The following PCDHA4 variants were observed in gnomAD, a reference collection of about 807,000 sequenced individuals.
The protein encoded by PCDHA4 is protocadherin alpha-4.
Under a neutral mutation model 61.4 loss-of-function variants are expected in PCDHA4, and 49 were observed. The ratio of observed to expected loss-of-function variants is 0.80; its 90% CI spans 0.63 to 1.01. PCDHA4 has a LOEUF of 1.01. Among genes scored for constraint, PCDHA4 ranks in the 50% least tolerant of loss-of-function variants. The pLI is 0.00. For synonymous variants in PCDHA4, 590 were observed against 550.3 expected, an observed-to-expected ratio of 1.07 and a Z score of -1.01; for missense variants, 1,254 against 1,235.8, an observed-to-expected ratio of 1.01 and a Z score of -0.22.
intron 1 of PCDHA4, chr5:140,824,610 G>GGTTTTTTTTT (rs1768189767): frequency 1.1e-5 from 1 of 95,104 alleles, no homozygotes; most frequent in African/African-American, 4.9e-5. Context: ...GCTAATTAAA[G>GGTTTTTTTTT]TTTTTTTTTT....
intron 3 of PCDHA4, among the ~76,000 whole-genome samples, chr5:140,995,578 T>C (rs1554254730): frequency 1.3e-5 from 2 of 152,256 alleles, no homozygotes; most frequent in African/African-American, 4.8e-5. Flanking sequence ...AGATGAGCTA[T>C]GAGCTTTTAA....
chr5:140,989,215 C>T (rs1162430361), intron 3 of PCDHA4, among the ~76,000 whole-genome samples: 1 of 152,108 alleles, frequency 6.6e-6, no homozygotes, highest in Non-Finnish European at 1.5e-5. Flanking sequence ...CTTTATACAC[C>T]ATTCTTTGTA....
chr5:140,880,365 C>A (rs1462418898), intron 1 of PCDHA4, among the ~76,000 whole-genome samples: 1 of 151,976 alleles, frequency 6.6e-6, no homozygotes, highest in Non-Finnish European at 1.5e-5. Flanking sequence ...TAGATGAAAA[C>A]CATGAGAGAA....
intron 1 of PCDHA4, chr5:140,814,799 C>T (rs2126658995): frequency 5.9e-5 from 9 of 152,134 alleles, no homozygotes; most frequent in Admixed American, 2.0e-4. Context: ...TTATACAACA[C>T]TTGACTTTAT....
intron 1 of PCDHA4, among the ~76,000 whole-genome samples, chr5:140,962,085 C>T (rs565561726): frequency 2.0e-5 from 3 of 151,950 alleles, no homozygotes; most frequent in Non-Finnish European, 4.4e-5. Context: ...CGGGGTTTCA[C>T]CATGTTAGCC....
intron 1 of PCDHA4, among the ~76,000 whole-genome samples, chr5:140,972,693 C>A (rs1358194667): frequency 2.3e-5 from 3 of 130,312 alleles, no homozygotes; most frequent in East Asian, 4.7e-4. Flanking sequence ...GAGATGGAGT[C>A]TCACTCTGTT....
intron 1 of PCDHA4, chr5:140,865,095 C>T (rs1163378400): frequency 2.0e-5 from 3 of 152,198 alleles, no homozygotes; most frequent in African/African-American, 7.2e-5. Context: ...TTAATAAAGG[C>T]ACTTCCACTT....
At chr5:140,917,552 C>T (rs200211133) in intron 1 of PCDHA4, among the ~76,000 whole-genome samples, 1 of 152,192 alleles carries the variant, frequency 6.6e-6, no homozygotes, top group Non-Finnish European at 1.5e-5. Flanking sequence ...TTACATTTAA[C>T]TCTTTAATCC....
At chr5:140,825,916 C>G (rs1236505717) in intron 1 of PCDHA4, 2 of 152,402 alleles carry the variant, frequency 1.3e-5, no homozygotes, top group African/African-American at 4.8e-5. Context: ...CTACGCTAGA[C>G]AGGTGTCCTC....
intron 3 of PCDHA4, among the ~76,000 whole-genome samples, chr5:140,986,846 A>G (rs782028314): frequency 6.6e-6 from 1 of 152,200 alleles, no homozygotes; most frequent in Non-Finnish European, 1.5e-5. Flanking sequence ...AAGGGGCAGC[A>G]ACACCAACAA....
rs781863441 is a variant in PCDHA4 at position 140,858,454 on chromosome 5, C to A, written c.2385+48882C>A. The A allele has an allele frequency of 2.0e-6, 3 of 1,529,822 alleles. No homozygotes were observed. The South Asian group carries it at 3.6e-5, about 18-fold the overall frequency. The allele number at this position is 1,529,822 out of a possible 1,614,324, so 94.8% of individuals were successfully genotyped here. On this transcript the variant is annotated intron_variant, in intron 1 of 3. Coordinates refer to ENST00000530339, the MANE Select transcript of PCDHA4 (RefSeq NM_018907.4). ...CTAGGAAGGTGGGTTATTACGTTTT[C>A]ATTTTCCTTTTGTGCTTTATGAATA...
intron 1 of PCDHA4, among the ~76,000 whole-genome samples, chr5:140,833,428 T>C (rs1554133831): frequency 1.3e-5 from 2 of 152,196 alleles, no homozygotes; most frequent in African/African-American, 4.8e-5. Context: ...GTGAGATGGC[T>C]GAGCACTGAA....
rs1554165105 is a variant in PCDHA4 at position 140,871,093 on chromosome 5, G to A, written c.2385+61521G>A. 3 of 1,613,300 alleles carry A rather than the reference G, an allele frequency of 1.9e-6. No individual in the cohort carries two copies. Among genetic ancestry groups the A allele is most frequent in the East Asian group, 4.5e-5 (2 of 44,870 alleles). ...GCCGGCGCTGACGGCCACGGCCACC[G>A]TGCTGGTGTCGTTGGTGGAGAGCGG... On this transcript the variant is annotated intron_variant, in intron 1 of 3. Transcript: ENST00000530339.
chr5:140,885,561 T>G (rs1378492280), intron 1 of PCDHA4, among the ~76,000 whole-genome samples: 2 of 152,192 alleles, frequency 1.3e-5, no homozygotes, highest in African/African-American at 4.8e-5. Context: ...TCTACGAAAT[T>G]GATTGTCAGA....
intron 1 of PCDHA4, among the ~76,000 whole-genome samples, chr5:140,943,086 G>A (rs1384084328): frequency 6.6e-6 from 1 of 151,632 alleles, no homozygotes; most frequent in African/African-American, 2.4e-5. Flanking sequence ...GTGAAATCCT[G>A]CCTCTACTAA....
intron 1 of PCDHA4, among the ~76,000 whole-genome samples, chr5:140,873,862 T>A (rs188055479): frequency 4.1e-4 from 62 of 152,308 alleles, no homozygotes; most frequent in Admixed American, 1.1e-3. Context: ...GTTTTCACCA[T>A]GTTGGCCAGG....
chr5:140,905,864 A>C (rs265313), intron 1 of PCDHA4, among the ~76,000 whole-genome samples: 7,097 of 152,260 alleles, frequency 0.047, 295 homozygotes, highest in African/African-American at 0.11. Context: ...AACTCACACA[A>C]TCACAAGGCC....
intron 1 of PCDHA4, among the ~76,000 whole-genome samples, chr5:140,958,824 A>G (rs1008923744): frequency 5.9e-5 from 9 of 152,158 alleles, no homozygotes; most frequent in Admixed American, 5.9e-4. Context: ...TAATTTTTAT[A>G]TCTTAAAGTT....
At chr5:140,854,902 A>G (rs2043266382) in intron 1 of PCDHA4, among the ~76,000 whole-genome samples, 1 of 150,050 alleles carries the variant, frequency 6.7e-6, no homozygotes, top group African/African-American at 2.4e-5. Flanking sequence ...AAGCGTAAAT[A>G]TAACAGGGTT....
Sources: allele counts gnomAD v4.1 joint callset (sites outside exome capture counted in the v4.1 genomes callset), GRCh38; gene constraint gnomAD v4.1.1; transcripts MANE v1.5; gene names NCBI Gene and HGNC (gene_info 2026-07-23, HGNC 2026-07-21).